The following RAD18 variants were observed in gnomAD, a reference collection of about 807,000 sequenced individuals.
RAD18 encodes RAD18 E3 ubiquitin protein ligase, also known as E3 ubiquitin-protein ligase RAD18.
In RAD18, 47 loss-of-function variants were observed where a neutral mutation model predicts 60.4. That is an observed-to-expected ratio of 0.78 (90% CI 0.62 to 0.99). The LOEUF is 0.99. RAD18 is among the 50% of genes least tolerant of loss of function. The pLI is 0.00. For missense variants in RAD18, 640 were observed against 593.3 expected (o/e 1.08, Z -0.82); for synonymous variants, 225 against 195.5 (o/e 1.15, Z -1.26).
At chr3:8,897,255 C>T (rs606953) in intron 11 of RAD18, among the ~76,000 whole-genome samples, 127,018 of 152,202 alleles carry the variant, frequency 0.83, 53,219 homozygotes, top group South Asian at 0.9. Flanking sequence ...AAATGACTGA[C>T]ACAAATAAAA....
intron 11 of RAD18, among the ~76,000 whole-genome samples, chr3:8,896,608 C>T (rs1324013834): frequency 6.6e-6 from 1 of 152,182 alleles, no homozygotes; most frequent in African/African-American, 2.4e-5. Context: ...CACCATGAGC[C>T]TATTTGTCCA....
chr3:8,921,520 C>T (rs538756530), intron 7 of RAD18, among the ~76,000 whole-genome samples: 8 of 151,960 alleles, frequency 5.3e-5, no homozygotes, highest in African/African-American at 1.7e-4. Context: ...GCTGGGCATG[C>T]GCTTGTAGTC....
At position 8,905,010 on chromosome 3, in the gene RAD18, C is replaced by A. The variant is rs80188442; in HGVS notation, c.1028-2490G>T. Among the ~76,000 whole-genome samples, 940 of 152,326 alleles carry A rather than the reference C, an allele frequency of 6.2e-3. 10 individuals are homozygous for A. The highest frequency in any genetic ancestry group is 0.021 in the African/African-American group (883 of 41,570). ...CTACTCTGGCTTTAGCCAGAGAATT[C>A]CAATAACCCCTACTCAGAAAATGAA... On this transcript the variant is annotated intron_variant, in intron 9 of 12. Transcript: ENST00000264926.
intron 3 of RAD18, among the ~76,000 whole-genome samples, chr3:8,948,025 A>G (rs1250209725): frequency 6.6e-6 from 1 of 152,004 alleles, no homozygotes; most frequent in Non-Finnish European, 1.5e-5. Flanking sequence ...CTACTTTTCC[A>G]CCTGTTCCCA....
intron 11 of RAD18, among the ~76,000 whole-genome samples, chr3:8,895,914 C>T (rs1187611012): frequency 6.6e-6 from 1 of 152,168 alleles, no homozygotes; most frequent in Non-Finnish European, 1.5e-5. Context: ...TCCCATTATC[C>T]AGGAATCCTA....
At chr3:8,926,094 T>A (rs1160921183) in intron 7 of RAD18, among the ~76,000 whole-genome samples, 2 of 151,930 alleles carry the variant, frequency 1.3e-5, no homozygotes, top group African/African-American at 4.8e-5. Context: ...ATAAAGGGTA[T>A]TCAATTAGGA....
intron 7 of RAD18, among the ~76,000 whole-genome samples, chr3:8,916,604 C>T (rs1337910376): frequency 6.6e-6 from 1 of 151,948 alleles, no homozygotes; most frequent in Non-Finnish European, 1.5e-5. Context: ...GAACAACATA[C>T]ATGAACAGAT....
chr3:8,942,672 G>A (rs2124831323), intron 4 of RAD18, among the ~76,000 whole-genome samples: 1 of 152,236 alleles, frequency 6.6e-6, no homozygotes, highest in East Asian at 1.9e-4. Flanking sequence ...AGGAAACATT[G>A]ATCTTACTTG....
At chr3:8,882,677 G>T (rs1191068402) in intron 12 of RAD18, among the ~76,000 whole-genome samples, 2 of 152,184 alleles carry the variant, frequency 1.3e-5, no homozygotes, top group African/African-American at 2.4e-5. Flanking sequence ...TGGCTGAAAG[G>T]AAAATGGGAG....
intron 8 of RAD18, among the ~76,000 whole-genome samples, chr3:8,913,221 T>A (rs2125055212): frequency 6.6e-6 from 1 of 152,320 alleles, no homozygotes; most frequent in East Asian, 1.9e-4. Context: ...ATCCTCAAAT[T>A]ACTTAATTTA....
rs140637536 is a variant in RAD18, at chr3:8,907,666, T to G, written c.1027+4646A>C. Among the ~76,000 whole-genome samples the G allele has an allele frequency of 9.1e-3, 1,392 of 152,328 alleles. 16 individuals carry two copies. Among genetic ancestry groups the G allele is most frequent in the Non-Finnish European group, 0.014 (958 of 68,034 alleles). Reference sequence around the variant, plus strand: ...CTGAGCATCAGAGACTACAGACAGATGCAGCTAACTTCAGATGGTGCAGCT... The same window carrying G: ...CTGAGCATCAGAGACTACAGACAGAGGCAGCTAACTTCAGATGGTGCAGCT... On this transcript the variant is annotated intron_variant, in intron 9 of 12. Coordinates refer to ENST00000264926, the MANE Select transcript of RAD18 (RefSeq NM_020165.4).
Position 8,881,258 on chromosome 3 carries a change from G to T in RAD18, c.*99C>A. On this transcript the variant is annotated 3_prime_UTR_variant, in exon 13 of 13. Coordinates refer to ENST00000264926, the MANE Select transcript of RAD18 (RefSeq NM_020165.4). ...AGCTAACCGTAATATTTAGAATTTAGCATCTTTCCTTGGGCATTTATAAAT... is the reference window on the plus strand; with the variant it reads ...AGCTAACCGTAATATTTAGAATTTATCATCTTTCCTTGGGCATTTATAAAT... 1.1e-6 allele frequency: 1 copy of T among 939,022 alleles called. No individual in the cohort carries two copies. Among genetic ancestry groups the T allele is most frequent in the Non-Finnish European group, 1.6e-6 (1 of 610,496 alleles). The allele number at this position is 939,022 out of a possible 1,614,324, so 58.2% of individuals were successfully genotyped here. A position where few individuals can be genotyped will look rare whatever the true frequency, so the allele number is the denominator to read the frequency against.
chr3:8,894,234 G>A (rs879324271), intron 11 of RAD18, among the ~76,000 whole-genome samples: 6 of 152,020 alleles, frequency 3.9e-5, no homozygotes, highest in Non-Finnish European at 8.8e-5. Context: ...CATCAACACA[G>A]TTCTGGAAAA....
chr3:8,913,683 C>T lies in RAD18; in HGVS notation c.927G>A (p.Lys309=). 1 of 1,580,056 alleles carries T rather than the reference C, an allele frequency of 6.3e-7. No homozygotes were observed. Among genetic ancestry groups the T allele is most frequent in the South Asian group, 1.2e-5 (1 of 85,622 alleles). Residue 309 remains lysine, a synonymous_variant, in exon 8 of 13, where the codon AAG becomes AAA. Transcript: ENST00000264926. ...EIVREIENIE[K]TRMRLEASKL... is the part of the protein sequence containing the mutation. ...TACTAGCTTCAAGACGCATCCTAGT[C>T]TTCTCTATATTTTCGATTTCTCGAA...
intron 10 of RAD18, among the ~76,000 whole-genome samples, chr3:8,901,991 A>G (rs1939920556): frequency 6.6e-6 from 1 of 152,236 alleles, no homozygotes; most frequent in African/African-American, 2.4e-5. Flanking sequence ...CAGGTATGTT[A>G]ACTTTAGACT....
At chr3:8,959,128 T>A in intron 1 of RAD18, 127 bp from the exon 2 acceptor site, 1 of 724,144 alleles carries the variant, frequency 1.4e-6, no homozygotes, top group South Asian at 1.6e-5. Flanking sequence ...ATTCAAAAGC[T>A]AACTCCAGAT....
At chr3:8,953,470 T>C (rs1333087792) in intron 2 of RAD18, among the ~76,000 whole-genome samples, 1 of 152,136 alleles carries the variant, frequency 6.6e-6, no homozygotes, top group Non-Finnish European at 1.5e-5. Context: ...TACTACCAAA[T>C]ATGTACTGGT....
intron 5 of RAD18, among the ~76,000 whole-genome samples, chr3:8,940,133 T>C (rs371911669): frequency 2.6e-5 from 4 of 152,218 alleles, no homozygotes; most frequent in African/African-American, 9.6e-5. Flanking sequence ...AATTTGTTAA[T>C]TTAGCTCTCA....
At chr3:8,936,942 T>A (rs1193892737) in intron 6 of RAD18, among the ~76,000 whole-genome samples, 1 of 152,194 alleles carries the variant, frequency 6.6e-6, no homozygotes, top group Non-Finnish European at 1.5e-5. Flanking sequence ...TACAGTCAGG[T>A]ATAGACTGAA....
Sources: gnomAD v4.1 joint callset for allele counts (sites outside exome capture counted in the v4.1 genomes callset) on GRCh38, gnomAD v4.1.1 for gene constraint, MANE v1.5 for transcripts, NCBI Gene and HGNC (gene_info 2026-07-23, HGNC 2026-07-21) for gene names.